DNAH5: variants seen among roughly 807,000 people sequenced by gnomAD.
The protein encoded by DNAH5 is axonemal beta dynein heavy chain 5.
A neutral mutation model predicts 518.2 loss-of-function variants in DNAH5; 372 were observed. The ratio of observed to expected loss-of-function variants is 0.72; its 90% confidence interval spans 0.66 to 0.78. The LOEUF is 0.78. Ranked by LOEUF, DNAH5 falls within the 30% of genes least tolerant of loss-of-function variation. DNAH5 has a pLI of 0.00. For synonymous variants in DNAH5, 2,039 were observed against 2,025.9 expected (o/e 1.01, Z -0.17); for missense variants, 5,523 against 5,687.0 (o/e 0.97, Z 0.93).
chr5:13,753,620 G>C, intron 62 of DNAH5, 71 bp from the exon 63 acceptor site: 1 of 1,352,786 alleles, frequency 7.4e-7, no homozygotes, highest in Non-Finnish European at 1.0e-6. Flanking sequence ...TATTAAAAAT[G>C]AAAAAAATTA....
At chr5:13,880,149 A>C (rs1412664537) in intron 21 of DNAH5, among the ~76,000 whole-genome samples, 1 of 152,172 alleles carries the variant, frequency 6.6e-6, no homozygotes, top group African/African-American at 2.4e-5. Flanking sequence ...GTGAAGTGAT[A>C]TATTCAAAAT....
At chr5:13,907,539 A>G (rs2151971953) in intron 12 of DNAH5, among the ~76,000 whole-genome samples, 1 of 152,334 alleles carries the variant, frequency 6.6e-6, no homozygotes, top group East Asian at 1.9e-4. Flanking sequence ...ACGTGTTGTA[A>G]AAAGAATGAC....
chr5:13,914,400 G>C, intron 10 of DNAH5, 120 bp downstream of exon 10: 1 of 1,235,116 alleles, frequency 8.1e-7, no homozygotes, highest in Non-Finnish European at 1.1e-6. Context: ...TTTCTTCATA[G>C]TTAAGAATCA....
At chr5:13,836,860 A>G (rs1266941468) in intron 35 of DNAH5, among the ~76,000 whole-genome samples, 1 of 152,232 alleles carries the variant, frequency 6.6e-6, no homozygotes, top group Non-Finnish European at 1.5e-5. Flanking sequence ...AGAGTGGGTC[A>G]GAGACACAAG....
intron 76 of DNAH5, among the ~76,000 whole-genome samples, chr5:13,703,386 C>A (rs1742382390): frequency 7.8e-6 from 1 of 128,532 alleles, no homozygotes; most frequent in South Asian, 2.5e-4. Flanking sequence ...CACAACAAGG[C>A]AACTAGTGTA....
intron 59 of DNAH5, among the ~76,000 whole-genome samples, chr5:13,763,190 A>T (rs1752016061): frequency 6.6e-6 from 1 of 152,160 alleles, no homozygotes; most frequent in Non-Finnish European, 1.5e-5. Context: ...GGTGATGAAC[A>T]CTAATATTGT....
At chr5:13,878,029 G>A (rs116777647) in intron 21 of DNAH5, among the ~76,000 whole-genome samples, 120 of 152,264 alleles carry the variant, frequency 7.9e-4, no homozygotes, top group African/African-American at 2.7e-3. Flanking sequence ...ATCTCTGGGA[G>A]CAGACGGGAC....
At chr5:13,854,131 G>A (rs58826506) in intron 30 of DNAH5, among the ~76,000 whole-genome samples, 2,189 of 152,138 alleles carry the variant, frequency 0.014, 57 homozygotes, top group African/African-American at 0.051. Flanking sequence ...GAGAAATGTC[G>A]GGTTACCCAC....
At chr5:13,875,585 G>A (rs1770779813) in intron 22 of DNAH5, among the ~76,000 whole-genome samples, 1 of 151,284 alleles carries the variant, frequency 6.6e-6, no homozygotes, top group Non-Finnish European at 1.5e-5. Flanking sequence ...AGAGAAACTA[G>A]TGGATCTTAT....
At chr5:13,692,254 A>C in intron 78 of DNAH5, 119 bp from the exon 79 acceptor site, 1 of 1,098,130 alleles carries the variant, frequency 9.1e-7, no homozygotes, top group Non-Finnish European at 1.4e-6. Flanking sequence ...GTTTGGCTGA[A>C]TGAGGGACAT....
intron 55 of DNAH5, among the ~76,000 whole-genome samples, chr5:13,775,037 G>T (rs1753872938): frequency 6.6e-6 from 1 of 151,382 alleles, no homozygotes; most frequent in Non-Finnish European, 1.5e-5. Flanking sequence ...TATCCTACTT[G>T]AGTTTTAAAA....
At chr5:13,918,988 C>T (rs1776957036) in intron 7 of DNAH5, among the ~76,000 whole-genome samples, 188 bp downstream of exon 7, 1 of 152,160 alleles carries the variant, frequency 6.6e-6, no homozygotes, top group South Asian at 2.1e-4. Context: ...CACCAGCTAA[C>T]AATTGCCTTT....
chr5:13,765,991 A>G lies in DNAH5; in HGVS notation c.10086T>C (p.Phe3362=), dbSNP rs1752461770. The G allele has an allele frequency of 6.2e-7, 1 of 1,614,166 alleles. No homozygotes were observed. The highest frequency in any genetic ancestry group is 8.5e-7 in the Non-Finnish European group (1 of 1,179,996). ...ESLKLMTAGN[F]LQNLQQFPKD... ...AACTACCAACCTGTAAGTTCTGTAA[A>G]AAGTTCCCTGCAGTCATCAATTTTA... Residue 3362 remains phenylalanine (F), a synonymous_variant, in exon 59 of 79, where the codon TTT becomes TTC. Coordinates refer to ENST00000265104, the MANE Select transcript of DNAH5 (RefSeq NM_001369.3).
intron 65 of DNAH5, among the ~76,000 whole-genome samples, chr5:13,745,860 A>G (rs985108834): frequency 6.6e-6 from 1 of 152,106 alleles, no homozygotes; most frequent in Non-Finnish European, 1.5e-5. Flanking sequence ...GATATTTTAT[A>G]TTTATAATCA....
intron 1 of DNAH5, among the ~76,000 whole-genome samples, chr5:13,951,208 G>GTTTTTTTTTTTT (rs869082404): frequency 1.5e-5 from 1 of 66,594 alleles, no homozygotes. Context: ...TGTTTTTTTC[G>GTTTTTTTTTTTT]TTTTTTTTTT....
intron 74 of DNAH5, among the ~76,000 whole-genome samples, chr5:13,715,895 G>C (rs1041463656): frequency 6.6e-6 from 1 of 152,190 alleles, no homozygotes; most frequent in Non-Finnish European, 1.5e-5. Context: ...CGTGGATAGA[G>C]GCCTGGGATG....
rs773331673 is a variant in DNAH5 at position 13,717,547 on chromosome 5, G to A, written c.12500-27C>T. The A allele has an allele frequency of 3.2e-6, 5 of 1,559,510 alleles. No homozygotes were observed. The East Asian group carries it at 9.0e-5, about 28-fold the overall frequency. On this transcript the variant is annotated intron_variant, in intron 72 of 78. Transcript: ENST00000265104. ...TGTTGTGGTCAGTTGGGTGAAAAATGTATCATCTCTCAAATGTCTTTATTT... is the reference window on the plus strand; with the variant it reads ...TGTTGTGGTCAGTTGGGTGAAAAATATATCATCTCTCAAATGTCTTTATTT...
chr5:13,782,533 CT>C (rs1755334089), intron 52 of DNAH5, among the ~76,000 whole-genome samples: 1 of 152,124 alleles, frequency 6.6e-6, no homozygotes, highest in Non-Finnish European at 1.5e-5. Context: ...AGATCTTCCC[CT>C]GACACAGCTT....
At chr5:13,890,868 G>T in intron 17 of DNAH5, 108 bp downstream of exon 17, 1 of 1,195,454 alleles carries the variant, frequency 8.4e-7, no homozygotes, top group Non-Finnish European at 1.2e-6. Flanking sequence ...CTATCACAGA[G>T]CACTGCAAGT....
Sources: allele counts gnomAD v4.1 joint callset (sites outside exome capture counted in the v4.1 genomes callset), GRCh38; gene constraint gnomAD v4.1.1; transcripts MANE v1.5; gene names NCBI Gene and HGNC (gene_info 2026-07-23, HGNC 2026-07-21).